Variants in ATG7 observed in about 807,000 individuals in gnomAD.
The protein encoded by ATG7 is autophagy related 7, also known as ubiquitin-like modifier-activating enzyme ATG7.
A neutral mutation model predicts 82.4 loss-of-function variants in ATG7; 70 were observed. That is an observed-to-expected ratio of 0.85 (90% confidence interval 0.70 to 1.04). ATG7 has a LOEUF of 1.04. Among genes scored for constraint, ATG7 ranks in the 50% least tolerant of loss-of-function variants. The probability of loss-of-function intolerance (pLI) is 0.00; values close to 1 mark genes in which losing one functional copy is unlikely to be tolerated. For synonymous variants in ATG7, 287 were observed against 313.0 expected, an observed-to-expected ratio of 0.92 and a Z score of 0.88; for missense variants, 792 against 864.3, an observed-to-expected ratio of 0.92 and a Z score of 1.05.
chr3:11,362,112 T>C (rs2076322484), intron 16 of ATG7, among the ~76,000 whole-genome samples: 1 of 152,234 alleles, frequency 6.6e-6, no homozygotes, highest in South Asian at 2.1e-4. Context: ...CAAATACGAT[T>C]AGTGGTCCCT....
chr3:11,400,071 A>G (rs1433385856), intron 19 of ATG7, among the ~76,000 whole-genome samples: 1 of 152,234 alleles, frequency 6.6e-6, no homozygotes, highest in Non-Finnish European at 1.5e-5. Flanking sequence ...TGGCATGCCC[A>G]TCATTTACAC....
At chr3:11,285,466 C>T (rs892265800) in intron 3 of ATG7, among the ~76,000 whole-genome samples, 8 of 152,132 alleles carry the variant, frequency 5.3e-5, no homozygotes, top group African/African-American at 1.9e-4. Context: ...AGCCACTGCA[C>T]CCAGCCCTAT....
chr3:11,558,607 G>A, downstream of ATG7: 1 of 1,606,454 alleles, frequency 6.2e-7, no homozygotes, highest in Non-Finnish European at 8.5e-7. Context: ...GGGCAGAGGG[G>A]CTGGCGGGCT....
chr3:11,411,240 T>G (rs2080862519), intron 19 of ATG7, among the ~76,000 whole-genome samples: 1 of 152,200 alleles, frequency 6.6e-6, no homozygotes, highest in African/African-American at 2.4e-5. Flanking sequence ...TTTGTATATC[T>G]TTAGAGAAAT....
intron 20 of ATG7, among the ~76,000 whole-genome samples, chr3:11,479,039 C>CACACAA (rs1384580179): frequency 6.7e-6 from 1 of 149,498 alleles, no homozygotes; most frequent in African/African-American, 2.5e-5. Flanking sequence ...CACACACACA[C>CACACAA]AATTTTTTAC....
intron 20 of ATG7, among the ~76,000 whole-genome samples, chr3:11,453,420 C>T (rs1250168591): frequency 2.0e-5 from 3 of 152,178 alleles, no homozygotes; most frequent in Non-Finnish European, 2.9e-5. Flanking sequence ...TATTTCCCGC[C>T]GTGGCTGTCC....
intron 18 of ATG7, among the ~76,000 whole-genome samples, chr3:11,365,537 A>G (rs1012304702): frequency 3.3e-5 from 5 of 152,132 alleles, no homozygotes; most frequent in African/African-American, 1.2e-4. Flanking sequence ...CCATGTATGT[A>G]TCCTCTCCTG....
At chr3:11,326,851 G>A (rs933814221) in intron 9 of ATG7, among the ~76,000 whole-genome samples, 5 of 152,164 alleles carry the variant, frequency 3.3e-5, no homozygotes, top group East Asian at 1.9e-4. Context: ...CTTCTCATCC[G>A]AAGCCCTCTT....
At chr3:11,441,575 A>G (rs111431769) in intron 20 of ATG7, among the ~76,000 whole-genome samples, 71 of 151,638 alleles carry the variant, frequency 4.7e-4, no homozygotes, top group Admixed American at 3.0e-3. Context: ...TTTGGAACCA[A>G]TCTTTTAGAG....
downstream of ATG7, among the ~76,000 whole-genome samples, chr3:11,561,672 C>T (rs570023909): frequency 6.6e-6 from 1 of 152,138 alleles, no homozygotes. Flanking sequence ...TCCCCTCCCC[C>T]ACACCCTTAT....
intron 4 of ATG7, 66 bp downstream of exon 4, chr3:11,298,921 C>T: frequency 6.5e-7 from 1 of 1,545,862 alleles, no homozygotes; most frequent in Non-Finnish European, 8.8e-7. Context: ...AGTATAGTGT[C>T]AGCTTTCCTT....
intron 20 of ATG7, among the ~76,000 whole-genome samples, chr3:11,478,279 ATC>A (rs1452651625): frequency 6.6e-6 from 1 of 152,178 alleles, no homozygotes; most frequent in African/African-American, 2.4e-5. Context: ...ATGAATCTCT[ATC>A]TCTCTTTTAG....
intron 20 of ATG7, among the ~76,000 whole-genome samples, chr3:11,524,117 T>C (rs759221197): frequency 3.9e-5 from 6 of 152,362 alleles, no homozygotes; most frequent in South Asian, 2.1e-4. Flanking sequence ...TGAAATATTC[T>C]CTGTTCCATC....
chr3:11,414,394 C>T (rs894507625), intron 19 of ATG7, among the ~76,000 whole-genome samples: 44 of 152,264 alleles, frequency 2.9e-4, no homozygotes, highest in African/African-American at 9.9e-4. Context: ...ATGTATCCTG[C>T]ACCCTATGTA....
intron 20 of ATG7, among the ~76,000 whole-genome samples, chr3:11,449,452 TA>T (rs1008543541): frequency 2.6e-5 from 4 of 152,156 alleles, no homozygotes; most frequent in Admixed American, 6.5e-5. Context: ...GCTGTACTTT[TA>T]AGGGAATGAA....
chr3:11,532,292 A>G (rs930624400), intron 20 of ATG7, among the ~76,000 whole-genome samples: 4 of 152,244 alleles, frequency 2.6e-5, no homozygotes, highest in Admixed American at 1.3e-4. Flanking sequence ...GAGCCGGCAC[A>G]CATCATCTGC....
chr3:11,305,501 T>C (rs930081097), intron 5 of ATG7, among the ~76,000 whole-genome samples: 1 of 152,246 alleles, frequency 6.6e-6, no homozygotes, highest in Admixed American at 6.5e-5. Flanking sequence ...AGTAATTTCA[T>C]AAAGCCAAGT....
At chr3:11,447,308 A>G (rs1280899780) in intron 20 of ATG7, among the ~76,000 whole-genome samples, 1 of 152,106 alleles carries the variant, frequency 6.6e-6, no homozygotes, top group Non-Finnish European at 1.5e-5. Context: ...TACTAAAAAT[A>G]TAGAAAAAAT....
chr3:11,530,395 C>T (rs1008142424), intron 20 of ATG7, among the ~76,000 whole-genome samples: 1 of 152,102 alleles, frequency 6.6e-6, no homozygotes, highest in Non-Finnish European at 1.5e-5. Flanking sequence ...GCCAGAATGA[C>T]CTGAGCTTGG....
Sources: allele counts gnomAD v4.1 joint callset (sites outside exome capture counted in the v4.1 genomes callset), GRCh38; gene constraint gnomAD v4.1.1; transcripts MANE v1.5; gene names NCBI Gene and HGNC (gene_info 2026-07-23, HGNC 2026-07-21).